The following UBE2H variants were observed in gnomAD, a reference collection of about 807,000 sequenced individuals.
The protein encoded by UBE2H is ubiquitin conjugating enzyme E2 H.
Under a neutral mutation model 29.0 loss-of-function variants are expected in UBE2H, and 3 were observed. The observed-to-expected ratio is 0.10, with a 90% CI of 0.05 to 0.27. The LOEUF (loss-of-function observed/expected upper bound fraction) is 0.27, where lower values mean the gene tolerates loss of function less well. Among genes scored for constraint, UBE2H ranks in the 10% least tolerant of loss-of-function variants. The pLI is 1.00. For missense variants in UBE2H, 68 were observed against 228.2 expected, an observed-to-expected ratio of 0.30 and a Z score of 4.52; for synonymous variants, 69 against 82.9, an observed-to-expected ratio of 0.83 and a Z score of 0.91.
chr7:129,835,428 T>C (rs1224716388), intron 6 of UBE2H, among the ~76,000 whole-genome samples: 1 of 152,196 alleles, frequency 6.6e-6, no homozygotes, highest in South Asian at 2.1e-4. Context: ...CATGATTCCA[T>C]AGTAATTTAT....
chr7:129,891,497 A>C (rs1304269790), intron 1 of UBE2H, among the ~76,000 whole-genome samples: 1 of 152,090 alleles, frequency 6.6e-6, no homozygotes, highest in Admixed American at 6.6e-5. Context: ...ACAGGAACTT[A>C]ATTTTTTTAA....
At chr7:129,944,448 T>C (rs1413620114) in intron 1 of UBE2H, among the ~76,000 whole-genome samples, 2 of 151,516 alleles carry the variant, frequency 1.3e-5, no homozygotes, top group Non-Finnish European at 2.9e-5. Flanking sequence ...TCAGTAAACA[T>C]TAAATTCAAA....
intron 2 of UBE2H, among the ~76,000 whole-genome samples, chr7:129,880,035 C>G (rs1259662266): frequency 6.6e-6 from 1 of 151,994 alleles, no homozygotes; most frequent in South Asian, 2.1e-4. Context: ...ATAACAAAAC[C>G]CAGAATTTAC....
chr7:129,891,313 A>G (rs79526920), intron 1 of UBE2H, among the ~76,000 whole-genome samples: 9,480 of 151,746 alleles, frequency 0.062, 366 homozygotes, highest in Non-Finnish European at 0.091. Flanking sequence ...AACCTCCTAT[A>G]TAGCTGGGAT....
intron 1 of UBE2H, among the ~76,000 whole-genome samples, chr7:129,881,334 G>T (rs1255770562): frequency 6.6e-6 from 1 of 152,132 alleles, no homozygotes; most frequent in African/African-American, 2.4e-5. Flanking sequence ...AAATGTGTAA[G>T]ACTGCATTTT....
At position 129,870,823 on chromosome 7, in the gene UBE2H, G is replaced by A. The variant is rs146600501; in HGVS notation, c.205+8745C>T. On this transcript the variant is annotated intron_variant, in intron 3 of 6. Coordinates refer to ENST00000355621, the MANE Select transcript of UBE2H (RefSeq NM_003344.4). Reference sequence around the variant, plus strand: ...GAGCCTTTAACCTGGCCTACAAAGCGGTCTGTGAACTCAACCCTGCCTGCC... The same window carrying A: ...GAGCCTTTAACCTGGCCTACAAAGCAGTCTGTGAACTCAACCCTGCCTGCC... Among the ~76,000 whole-genome samples the A allele has an allele frequency of 3.0e-3, 449 of 151,976 alleles. 1 individual carries two copies. The highest frequency in any genetic ancestry group is 4.5e-3 in the Non-Finnish European group (305 of 68,010).
intron 3 of UBE2H, among the ~76,000 whole-genome samples, chr7:129,873,475 C>T (rs1275091594): frequency 3.4e-5 from 5 of 148,852 alleles, no homozygotes; most frequent in South Asian, 4.2e-4. Context: ...CACTCTGTCA[C>T]CCAGGCTGGA....
intron 5 of UBE2H, among the ~76,000 whole-genome samples, chr7:129,846,729 A>C (rs1805518081): frequency 6.6e-6 from 1 of 152,140 alleles, no homozygotes; most frequent in Non-Finnish European, 1.5e-5. Context: ...TTCGGACTTA[A>C]TACTGAAAAA....
intron 1 of UBE2H, among the ~76,000 whole-genome samples, chr7:129,907,284 G>A (rs548101969): frequency 3.7e-4 from 56 of 152,218 alleles, no homozygotes; most frequent in Middle Eastern, 3.4e-3. Flanking sequence ...CAAAACAAGC[G>A]GTATGACAGC....
chr7:129,850,939 T>C (rs182555930), intron 5 of UBE2H, among the ~76,000 whole-genome samples: 36 of 151,588 alleles, frequency 2.4e-4, no homozygotes, highest in African/African-American at 7.7e-4. Flanking sequence ...AAAAGATAGA[T>C]GGACAGATGG....
intron 1 of UBE2H, among the ~76,000 whole-genome samples, chr7:129,933,705 T>A (rs1237529460): frequency 6.6e-6 from 1 of 152,216 alleles, no homozygotes; most frequent in Admixed American, 6.5e-5. Flanking sequence ...AAGATTTCCA[T>A]ATCGTTTCAA....
At chr7:129,879,496 C>A (rs1806212149) in intron 3 of UBE2H, 72 bp downstream of exon 3, 1 of 1,400,612 alleles carries the variant, frequency 7.1e-7, no homozygotes, top group Admixed American at 1.8e-5. Flanking sequence ...TTAATTACCT[C>A]CCCTGAAATG....
chr7:129,922,052 C>T (rs1030006854), intron 1 of UBE2H, among the ~76,000 whole-genome samples: 7 of 151,918 alleles, frequency 4.6e-5, no homozygotes, highest in African/African-American at 1.7e-4. Context: ...GGCACGATCT[C>T]GGCTCACTGC....
intron 5 of UBE2H, among the ~76,000 whole-genome samples, chr7:129,854,917 T>TG (rs1365776120): frequency 1.3e-5 from 2 of 150,386 alleles, no homozygotes; most frequent in African/African-American, 4.9e-5. Context: ...TTATGCAAAG[T>TG]GAAAAAAAAA....
intron 1 of UBE2H, chr7:129,948,998 CGGGTAGTAACA>C: frequency 2.2e-6 from 1 of 456,838 alleles, no homozygotes; most frequent in South Asian, 1.5e-5. Flanking sequence ...CCTCCTTTTC[CGGGTAGTAACA>C]GGGCGGCCAA....
At chr7:129,930,376 G>C (rs562017821) in intron 1 of UBE2H, among the ~76,000 whole-genome samples, 2 of 152,274 alleles carry the variant, frequency 1.3e-5, no homozygotes, top group South Asian at 4.1e-4. Flanking sequence ...GCTCAAGCTG[G>C]TCTCAAACTC....
chr7:129,878,254 C>G (rs80316307), intron 3 of UBE2H, among the ~76,000 whole-genome samples: 9,648 of 152,224 alleles, frequency 0.063, 367 homozygotes, highest in Non-Finnish European at 0.091. Context: ...CACAGCTCCA[C>G]TCCCACTTTA....
intron 1 of UBE2H, among the ~76,000 whole-genome samples, chr7:129,888,665 G>C (rs574089640): frequency 4.6e-5 from 7 of 152,100 alleles, no homozygotes; most frequent in Non-Finnish European, 1.0e-4. Context: ...AGTAGAGACG[G>C]AGTTTCACCA....
At chr7:129,942,789 C>A (rs571695700) in intron 1 of UBE2H, among the ~76,000 whole-genome samples, 2 of 151,456 alleles carry the variant, frequency 1.3e-5, no homozygotes, top group South Asian at 4.2e-4. Context: ...GCCTTACTAG[C>A]AAATATAAAA....
Sources: gnomAD v4.1 joint callset for allele counts (sites outside exome capture counted in the v4.1 genomes callset) on GRCh38, gnomAD v4.1.1 for gene constraint, MANE v1.5 for transcripts, NCBI Gene and HGNC (gene_info 2026-07-23, HGNC 2026-07-21) for gene names.